The following HNF4G variants were observed in gnomAD, a reference collection of about 807,000 sequenced individuals.
HNF4G encodes the protein hepatocyte nuclear factor 4 gamma.
In HNF4G, 21 loss-of-function variants were observed where a neutral mutation model predicts 50.9. That is an observed-to-expected ratio of 0.41 (90% CI 0.29 to 0.59). HNF4G has a LOEUF of 0.59. HNF4G is among the 20% of genes least tolerant of loss of function. The probability of loss-of-function intolerance (pLI) is 0.26; values close to 1 mark genes in which losing one functional copy is unlikely to be tolerated. For synonymous variants in HNF4G, 198 were observed against 185.6 expected, an observed-to-expected ratio of 1.07 and a Z score of -0.54; for missense variants, 527 against 559.4, an observed-to-expected ratio of 0.94 and a Z score of 0.58.
At chr8:75,413,332 A>AGGGGCGGGGAGGGGT (rs1810549445) in intron 1 of HNF4G, among the ~76,000 whole-genome samples, 1 of 13,616 alleles carries the variant, frequency 7.3e-5, no homozygotes, top group African/African-American at 3.0e-4. Flanking sequence ...AGGGGAAGGG[A>AGGGGCGGGGAGGGGT]GGGGAGGGGA....
At chr8:75,544,053 A>C in intron 2 of HNF4G, 74 bp downstream of exon 2, 1 of 1,342,772 alleles carries the variant, frequency 7.4e-7, no homozygotes, top group African/African-American at 1.5e-5. Context: ...TAAGAGAAGA[A>C]AATTCAGAGT....
chr8:75,558,952 G>A lies in HNF4G; in HGVS notation c.1038G>A (p.Thr346=), dbSNP rs145103946. ...TCCTGCCCACACTGCAGAGCATCAC[G>A]TGGCAAATGATTGAGCAAATACAGT... is the stretch of plus-strand genomic sequence containing the variant. The part of the protein sequence containing the change: ...LLLLPTLQSI[T]WQMIEQIQFV... Residue 346 remains threonine (T), a synonymous_variant, in exon 8 of 10, where the codon ACG becomes ACA. Transcript: ENST00000396423. 2.0e-5 allele frequency: 33 copies of A among 1,613,922 alleles called. No homozygotes were observed. The highest frequency in any genetic ancestry group is 6.6e-5 in the South Asian group (6 of 91,080).
intron 2 of HNF4G, among the ~76,000 whole-genome samples, chr8:75,501,977 C>T (rs545473841): frequency 5.9e-5 from 9 of 151,792 alleles, no homozygotes; most frequent in Non-Finnish European, 8.8e-5. Flanking sequence ...CTTAGACTCC[C>T]GAGTAGCTGG....
At chr8:75,555,362 GT>G (rs1807084449) in intron 5 of HNF4G, among the ~76,000 whole-genome samples, 1 of 152,120 alleles carries the variant, frequency 6.6e-6, no homozygotes, top group South Asian at 2.1e-4. Context: ...ATACTTCCTA[GT>G]GGTGATGCCC....
At chr8:75,498,838 A>G (rs1364869608) in intron 2 of HNF4G, among the ~76,000 whole-genome samples, 1 of 152,116 alleles carries the variant, frequency 6.6e-6, no homozygotes, top group East Asian at 1.9e-4. Flanking sequence ...TTTACAAAAT[A>G]CAACACACTT....
At chr8:75,533,297 G>C (rs1220007255) in intron 2 of HNF4G, among the ~76,000 whole-genome samples, 1 of 151,978 alleles carries the variant, frequency 6.6e-6, no homozygotes, top group Non-Finnish European at 1.5e-5. Flanking sequence ...AGATTTTGCT[G>C]CACATTGGAA....
chr8:75,471,006 T>C (rs1238338615), intron 1 of HNF4G, among the ~76,000 whole-genome samples: 2 of 152,190 alleles, frequency 1.3e-5, no homozygotes, highest in East Asian at 3.9e-4. Context: ...AGTGAGTTAC[T>C]GCACTGCTGG....
chr8:75,546,382 G>T (rs1806778486), intron 2 of HNF4G, among the ~76,000 whole-genome samples: 1 of 151,972 alleles, frequency 6.6e-6, no homozygotes, highest in South Asian at 2.1e-4. Flanking sequence ...TTATGTGTTT[G>T]TTTGTTTGTT....
At chr8:75,453,537 G>A (rs551539962) in intron 1 of HNF4G, among the ~76,000 whole-genome samples, 6 of 138,414 alleles carry the variant, frequency 4.3e-5, no homozygotes, top group African/African-American at 1.1e-4. Flanking sequence ...GTGGCAACCT[G>A]CTAGGGTTCC....
intron 6 of HNF4G, 78 bp downstream of exon 6, chr8:75,556,147 T>A: frequency 3.0e-6 from 2 of 656,276 alleles, no homozygotes; most frequent in Non-Finnish European, 5.0e-6. Context: ...CTGTTCTGTA[T>A]GTACCAAGTA....
chr8:75,410,544 C>T (rs1169653430), intron 1 of HNF4G, among the ~76,000 whole-genome samples: 1 of 152,162 alleles, frequency 6.6e-6, no homozygotes, highest in Admixed American at 6.5e-5. Flanking sequence ...TATCCATTTA[C>T]TGAATGGCTG....
intron 2 of HNF4G, among the ~76,000 whole-genome samples, chr8:75,504,491 TACAA>T (rs1340963670): frequency 7.2e-6 from 1 of 139,120 alleles, no homozygotes. Context: ...ATTATACACT[TACAA>T]ACATATATAC....
At chr8:75,464,439 C>T (rs78761226) in intron 1 of HNF4G, among the ~76,000 whole-genome samples, 3,185 of 151,884 alleles carry the variant, frequency 0.021, 106 homozygotes, top group East Asian at 0.15. Flanking sequence ...TTATCTTATC[C>T]TCAGTTTTTT....
chr8:75,448,172 C>T (rs545324637), intron 1 of HNF4G, among the ~76,000 whole-genome samples: 77 of 133,568 alleles, frequency 5.8e-4, no homozygotes, highest in African/African-American at 2.1e-3. Context: ...TCTCAGTAAA[C>T]TATCGCAAGA....
Position 75,449,711 on chromosome 8 carries a change from G to T in HNF4G, c.-143-40378G>T, listed in dbSNP as rs868632967. On this transcript the variant is annotated intron_variant, in intron 1 of 10. Transcript: ENST00000354370. ...TTTAGTAGAGACGGGGTTTCACCGT[G>T]TTAGCCCGGATGGTCTCGATCTCCT... Among the ~76,000 whole-genome samples the T allele has an allele frequency of 3.3e-5, 5 of 151,864 alleles. No homozygotes were observed. In the Middle Eastern group the frequency reaches 0.01, roughly 310 times the overall value.
chr8:75,499,822 C>A (rs1276320930), intron 2 of HNF4G, among the ~76,000 whole-genome samples: 1 of 151,884 alleles, frequency 6.6e-6, no homozygotes, highest in Non-Finnish European at 1.5e-5. Context: ...GGAGATAGGA[C>A]AACTGGAAAT....
upstream of HNF4G, among the ~76,000 whole-genome samples, chr8:75,535,657 C>T (rs1806444793): frequency 6.6e-6 from 1 of 151,788 alleles, no homozygotes; most frequent in Non-Finnish European, 1.5e-5. Flanking sequence ...AACAAATTTT[C>T]TTAACTCTAT....
chr8:75,553,190 A>G lies in HNF4G; in HGVS notation c.638A>G (p.Asp213Gly), dbSNP rs752002067. ...CCTGCCTTCTGTGAATTACCATTGG[A>G]TGATCAGGTACACATTTAAAACTTT... is the stretch of plus-strand genomic sequence containing the variant. ...YIPAFCELPL[D>G]DQVALLRAHA... is the part of the protein sequence containing the mutation. The change falls in exon 5 of 10, where the codon GAT becomes GGT. Residue 213 changes from aspartate (D) to glycine (G), a missense_variant. Physicochemically the swap from Asp to Gly is moderately conservative, Grantham distance 94. Coordinates refer to ENST00000396423, the MANE Select transcript of HNF4G (RefSeq NM_004133.5). 7.4e-6 allele frequency: 12 copies of G among 1,611,774 alleles called. No homozygotes were observed. The highest frequency in any genetic ancestry group is 1.3e-5 in the African/African-American group (1 of 74,834).
chr8:75,490,937 G>A (rs1014896324), intron 2 of HNF4G, among the ~76,000 whole-genome samples: 2 of 152,078 alleles, frequency 1.3e-5, no homozygotes, highest in African/African-American at 4.8e-5. Flanking sequence ...AGTCAGCTCA[G>A]CACTAGTATA....
Sources: allele counts gnomAD v4.1 joint callset (sites outside exome capture counted in the v4.1 genomes callset), GRCh38; gene constraint gnomAD v4.1.1; transcripts MANE v1.5; gene names NCBI Gene and HGNC (gene_info 2026-07-23, HGNC 2026-07-21).